The following ARHGEF7 variants were observed in gnomAD, a reference collection of about 807,000 sequenced individuals.
ARHGEF7 encodes PAK-interacting exchange factor beta.
ARHGEF7 carries 33 observed loss-of-function variants against 109.8 expected under a neutral mutation model. That is an observed-to-expected ratio of 0.30 (90% CI 0.23 to 0.40). The LOEUF (loss-of-function observed/expected upper bound fraction) is 0.40, where lower values mean the gene tolerates loss of function less well. Ranked by LOEUF, ARHGEF7 falls within the 10% of genes least tolerant of loss-of-function variation. The pLI is 1.00. For synonymous variants in ARHGEF7, 458 were observed against 424.6 expected (o/e 1.08, Z -0.97); for missense variants, 938 against 1,098.5 (o/e 0.85, Z 2.07).
intron 11 of ARHGEF7, 72 bp from the exon 12 acceptor site, chr13:111,275,460 C>T: frequency 6.6e-7 from 1 of 1,526,108 alleles, no homozygotes; most frequent in Non-Finnish European, 9.0e-7. Context: ...AAGGATGATA[C>T]AAAGCAATGT....
intron 6 of ARHGEF7, among the ~76,000 whole-genome samples, chr13:111,235,006 A>T (rs1037903081): frequency 6.6e-6 from 1 of 152,166 alleles, no homozygotes; most frequent in African/African-American, 2.4e-5. Flanking sequence ...GAGACAGTAG[A>T]TGGGTTTTAT....
intron 2 of ARHGEF7, among the ~76,000 whole-genome samples, chr13:111,192,640 T>C (rs1211775927): frequency 6.6e-6 from 1 of 152,290 alleles, no homozygotes; most frequent in East Asian, 1.9e-4. Context: ...TTGAGTGTTT[T>C]GTTTGCCTTC....
intron 19 of ARHGEF7, 50 bp from the exon 20 acceptor site, chr13:111,300,698 C>A: frequency 7.9e-7 from 1 of 1,261,302 alleles, no homozygotes; most frequent in Non-Finnish European, 1.1e-6. Context: ...TTTCTTCATT[C>A]TGCCATGGTA....
chr13:111,147,728 C>T (rs999508275), intron 1 of ARHGEF7, among the ~76,000 whole-genome samples: 57 of 125,638 alleles, frequency 4.5e-4, no homozygotes, highest in African/African-American at 1.7e-3. Context: ...GACGGAGTCT[C>T]GCTCTGTCGC....
chr13:111,216,185 G>A (rs1300182772), intron 4 of ARHGEF7, among the ~76,000 whole-genome samples: 1 of 152,130 alleles, frequency 6.6e-6, no homozygotes, highest in African/African-American at 2.4e-5. Context: ...CTGCTTTTCA[G>A]CTCTGCCCTC....
chr13:111,117,857 C>T (rs2066906882), intron 1 of ARHGEF7, among the ~76,000 whole-genome samples: 1 of 152,232 alleles, frequency 6.6e-6, no homozygotes, highest in Admixed American at 6.5e-5. Context: ...CCACCACGCC[C>T]AGCCAGTTAT....
chr13:111,120,508 C>T (rs1028819224), intron 1 of ARHGEF7, among the ~76,000 whole-genome samples: 2 of 116,066 alleles, frequency 1.7e-5, no homozygotes, highest in Admixed American at 8.5e-5. Flanking sequence ...TACATAGACA[C>T]GCACACACGC....
intron 15 of ARHGEF7, among the ~76,000 whole-genome samples, chr13:111,282,359 T>A (rs1277464011): frequency 6.6e-6 from 1 of 152,246 alleles, no homozygotes. Flanking sequence ...AATGACTTAT[T>A]TAACTTTTCT....
At chr13:111,297,465 G>T (rs920049199) in intron 19 of ARHGEF7, among the ~76,000 whole-genome samples, 7 of 152,186 alleles carry the variant, frequency 4.6e-5, no homozygotes, top group Admixed American at 1.3e-4. Flanking sequence ...TACAGTAACC[G>T]TACCAGTTCT....
chr13:111,121,847 A>G (rs201382682), intron 1 of ARHGEF7, among the ~76,000 whole-genome samples: 6 of 152,040 alleles, frequency 3.9e-5, no homozygotes, highest in African/African-American at 1.2e-4. Flanking sequence ...CTTCCTCCTA[A>G]AAATGAGATG....
In ARHGEF7 at chr13:111,272,641, G is replaced by A. The variant is rs1275538581; in HGVS notation, c.1074-1173G>A. ...CTAGGATGGGGCGTGGTGATGGGGC[G>A]GGGGTCACCTGGGTCTCCTGGATGG... On this transcript the variant is annotated intron_variant, in intron 9 of 21. Transcript: ENST00000646102. The surrounding 1 kb of genome is among the most constrained non-coding windows in gnomAD (Gnocchi z 5.2). 3.3e-5 allele frequency among the ~76,000 whole-genome samples: 5 copies of A among 152,102 alleles called. No homozygotes were observed. The highest frequency in any genetic ancestry group is 7.4e-5 in the Non-Finnish European group (5 of 68,010).
At chr13:111,171,994 T>C (rs2077641401) in intron 2 of ARHGEF7, among the ~76,000 whole-genome samples, 1 of 152,174 alleles carries the variant, frequency 6.6e-6, no homozygotes, top group East Asian at 1.9e-4. Context: ...TCCAGAACTG[T>C]GAGAATACAT....
Position 111,241,752 on chromosome 13 carries a change from T to C in ARHGEF7, c.760-2120T>C, listed in dbSNP as rs558989108. Among the ~76,000 whole-genome samples, 39 of 152,360 alleles carry C rather than the reference T, an allele frequency of 2.6e-4. No homozygotes were observed. In the South Asian group the frequency reaches 7.7e-3, roughly 30 times the overall value. On this transcript the variant is annotated intron_variant, in intron 6 of 21. Coordinates refer to ENST00000646102, the MANE Select transcript of ARHGEF7 (RefSeq NM_001354046.2). ...CTTATCTCACATAGGAACATTTTTC[T>C]GTTTGAAAATAAGTATATAGGTCTT...
chr13:111,178,831 G>A lies in ARHGEF7; in HGVS notation c.252+24840G>A, dbSNP rs143635080. On this transcript the variant is annotated intron_variant, in intron 2 of 21. Coordinates refer to ENST00000646102, the MANE Select transcript of ARHGEF7 (RefSeq NM_001354046.2). ...TGAGATCTTTAAGAAATGTCGGGCC[G>A]GTCAGAAGGATTGTTCATGTGGGTG... Among the ~76,000 whole-genome samples, 689 of 152,312 alleles carry A rather than the reference G, an allele frequency of 4.5e-3. 2 individuals carry two copies. Among genetic ancestry groups the A allele is most frequent in the African/African-American group, 0.016 (653 of 41,562 alleles).
At chr13:111,210,025 C>T in intron 4 of ARHGEF7, 23 bp downstream of exon 4, 1 of 1,613,944 alleles carries the variant, frequency 6.2e-7, no homozygotes, top group Non-Finnish European at 8.5e-7. Context: ...GATTTTGTTA[C>T]TTAAATATGT....
intron 16 of ARHGEF7, among the ~76,000 whole-genome samples, chr13:111,283,806 GA>G (rs772352561): frequency 2.3e-4 from 35 of 152,160 alleles, no homozygotes; most frequent in Non-Finnish European, 4.4e-4. Flanking sequence ...GAGATGAAGA[GA>G]ACATTTACTA....
intron 15 of ARHGEF7, among the ~76,000 whole-genome samples, chr13:111,281,511 CAG>C (rs903510347): frequency 1.3e-5 from 2 of 152,168 alleles, no homozygotes; most frequent in African/African-American, 2.4e-5. Flanking sequence ...ATATTCTCAT[CAG>C]AGTTTCAGAG....
At chr13:111,158,715 T>C (rs1347179022) in intron 2 of ARHGEF7, among the ~76,000 whole-genome samples, 1 of 152,222 alleles carries the variant, frequency 6.6e-6, no homozygotes. Context: ...CAGTTTCTTT[T>C]CTTTAATTCT....
chr13:111,220,248 TC>T (rs796533914), intron 5 of ARHGEF7, among the ~76,000 whole-genome samples: 3 of 152,322 alleles, frequency 2.0e-5, no homozygotes, highest in African/African-American at 7.2e-5. Flanking sequence ...AGGACCTCGT[TC>T]GTTGCTCACC....
Sources: allele counts gnomAD v4.1 joint callset (sites outside exome capture counted in the v4.1 genomes callset), GRCh38; gene constraint gnomAD v4.1.1; non-coding constraint Gnocchi (gnomAD v3.1); transcripts MANE v1.5; gene names NCBI Gene and HGNC (gene_info 2026-07-23, HGNC 2026-07-21).